The following STK32C variants were observed in gnomAD, a reference collection of about 807,000 sequenced individuals.
STK32C encodes serine/threonine-protein kinase 32C.
Under a neutral mutation model 56.5 loss-of-function variants are expected in STK32C, and 31 were observed. The observed-to-expected ratio is 0.55, with a 90% CI of 0.41 to 0.74. The LOEUF is 0.74. STK32C is among the 30% of genes least tolerant of loss of function. STK32C has a pLI of 0.00. For synonymous variants in STK32C, 309 were observed against 289.4 expected (o/e 1.07, Z -0.69); for missense variants, 544 against 676.9 (o/e 0.80, Z 2.18).
At chr10:132,210,647 T>TG (rs2062261907) in intron 10 of STK32C, among the ~76,000 whole-genome samples, 1 of 152,342 alleles carries the variant, frequency 6.6e-6, no homozygotes, top group South Asian at 2.1e-4. Flanking sequence ...TGTTCTCCGA[T>TG]GAACGGTTCA....
chr10:132,241,711 A>C (rs116396048), intron 2 of STK32C, among the ~76,000 whole-genome samples: 2,936 of 152,298 alleles, frequency 0.019, 91 homozygotes, highest in African/African-American at 0.065. Flanking sequence ...CTGGTCAGCG[A>C]ACCCTTCATT....
chr10:132,329,662 T>C (rs540580856), intron 1 of STK32C, among the ~76,000 whole-genome samples: 43 of 152,142 alleles, frequency 2.8e-4, no homozygotes, highest in Non-Finnish European at 5.9e-4. Flanking sequence ...AGACCAATAC[T>C]GGGAAGCGCA....
chr10:132,231,995 T>C (rs531102150), intron 2 of STK32C, among the ~76,000 whole-genome samples: 2 of 152,370 alleles, frequency 1.3e-5, no homozygotes, highest in African/African-American at 4.8e-5. Context: ...CGGAACTTGG[T>C]TGTGGCGGGA....
intron 1 of STK32C, among the ~76,000 whole-genome samples, chr10:132,283,206 C>T (rs917939339): frequency 7.2e-5 from 11 of 152,274 alleles, no homozygotes; most frequent in Non-Finnish European, 1.3e-4. Context: ...GCTATCTCAG[C>T]TCTGTGAGCG....
At chr10:132,331,871 G>A (rs2066772546), upstream of STK32C, 4 of 1,280,370 alleles carry the variant, frequency 3.1e-6, no homozygotes, top group Non-Finnish European at 4.3e-6. Context: ...CCGCGTGCGT[G>A]CGCAGGCGCA....
intron 1 of STK32C, among the ~76,000 whole-genome samples, chr10:132,273,531 G>A (rs1194932683): frequency 6.6e-6 from 1 of 152,088 alleles, no homozygotes. Flanking sequence ...TGGGGAGTTA[G>A]CAAATGAGTA....
intron 2 of STK32C, among the ~76,000 whole-genome samples, chr10:132,234,433 C>T (rs776622304): frequency 3.3e-5 from 5 of 152,190 alleles, no homozygotes; most frequent in South Asian, 4.1e-4. Context: ...TTGCCCACTT[C>T]GCTTTTTCTG....
chr10:132,245,336 G>A lies in STK32C; in HGVS notation c.318+564C>T, dbSNP rs576247004. ...TAATTCCAACCTTTTCCGAGTGCTC[G>A]TTAAGCCTCTTTGAGTTATAATTAC... On this transcript the variant is annotated intron_variant, in intron 2 of 11. Coordinates refer to ENST00000298630, the MANE Select transcript of STK32C (RefSeq NM_173575.4). 5.9e-5 allele frequency among the ~76,000 whole-genome samples: 9 copies of A among 152,304 alleles called. No homozygotes were observed. In the South Asian group the frequency reaches 6.2e-4, roughly 11 times the overall value.
At position 132,275,192 on chromosome 10, in the gene STK32C, A is replaced by C. The variant is rs192890617; in HGVS notation, c.263-29237T>G. 4.4e-3 allele frequency among the ~76,000 whole-genome samples: 665 copies of C among 152,282 alleles called. 24 individuals carry two copies. The South Asian group carries it at 0.089, about 20-fold the overall frequency. On this transcript the variant is annotated intron_variant, in intron 1 of 11. Coordinates refer to ENST00000298630, the MANE Select transcript of STK32C (RefSeq NM_173575.4). ...TGACAGCAGCCATGGGAGGTCCGGC[A>C]TCCCCGTACCCGTGCCCACCATGTC... is the stretch of plus-strand genomic sequence containing the variant.
At chr10:132,315,564 A>G (rs1030644962) in intron 1 of STK32C, among the ~76,000 whole-genome samples, 8 of 152,262 alleles carry the variant, frequency 5.3e-5, no homozygotes, top group Non-Finnish European at 1.2e-4. Flanking sequence ...TTCAAACTAT[A>G]TAAAGCAAAA....
At chr10:132,280,626 C>T (rs1310372069) in intron 1 of STK32C, among the ~76,000 whole-genome samples, 3 of 149,582 alleles carry the variant, frequency 2.0e-5, no homozygotes, top group African/African-American at 7.4e-5. Flanking sequence ...CGCCCCTGCA[C>T]TCCGTGATCA....
rs1491361212 is a variant in STK32C, at chr10:132,267,654, CAT to C, written c.263-21701_263-21700del. Among the ~76,000 whole-genome samples the C allele has an allele frequency of 1.7e-3, 228 of 130,612 alleles. 18 individuals are homozygous for C. Among genetic ancestry groups the C allele is most frequent in the African/African-American group, 6.4e-3 (197 of 30,770 alleles). 85.7% of individuals were successfully genotyped at this position (130,612 alleles called of 152,430 possible). A position where few individuals can be genotyped will look rare whatever the true frequency, so the allele number is the denominator to read the frequency against. On this transcript the variant is annotated intron_variant, in intron 1 of 11. Transcript: ENST00000298630. The stretch of plus-strand genomic sequence containing the variant: ...GTCTGTGTGCATGCATGTCCCACAT[CAT>C]GTGTGTGTGTGTCGGTGTGTGTGCA...
At chr10:132,236,818 G>A (rs950351804) in intron 2 of STK32C, among the ~76,000 whole-genome samples, 1 of 152,138 alleles carries the variant, frequency 6.6e-6, no homozygotes, top group African/African-American at 2.4e-5. Context: ...CCTGGTGCCT[G>A]GGGTTCACCC....
chr10:132,225,803 G>A lies in STK32C; in HGVS notation c.645-19C>T. 1 of 1,613,682 alleles carries A rather than the reference G, an allele frequency of 6.2e-7. No homozygotes were observed. The highest frequency in any genetic ancestry group is 8.5e-7 in the Non-Finnish European group (1 of 1,179,994). ...GACATCTCTAGAAAGAGCAGAAAGT[G>A]GGAAGGTGAGTTGGGAATCTGCCCT... On this transcript the variant is annotated intron_variant, in intron 4 of 11. Transcript: ENST00000298630.
chr10:132,250,131 T>C (rs938874268), intron 1 of STK32C, among the ~76,000 whole-genome samples: 1 of 152,208 alleles, frequency 6.6e-6, no homozygotes, highest in African/African-American at 2.4e-5. Context: ...CAGAGCTCCC[T>C]GCACGCTGGC....
chr10:132,211,719 G>C (rs1396136365), intron 10 of STK32C, among the ~76,000 whole-genome samples: 3 of 152,192 alleles, frequency 2.0e-5, no homozygotes, highest in Non-Finnish European at 4.4e-5. Context: ...AGGCCACAGA[G>C]GGGCCCTTCG....
chr10:132,245,332 G>A (rs891057146), intron 2 of STK32C, among the ~76,000 whole-genome samples: 6 of 152,190 alleles, frequency 3.9e-5, no homozygotes, highest in Non-Finnish European at 5.9e-5. Flanking sequence ...TTTTCCGAGT[G>A]CTCGTTAAGC....
At chr10:132,268,061 G>C (rs538393478) in intron 1 of STK32C, among the ~76,000 whole-genome samples, 7 of 145,474 alleles carry the variant, frequency 4.8e-5, no homozygotes, top group African/African-American at 1.8e-4. Context: ...GTGCCCACAT[G>C]TCCCACGTCG....
At chr10:132,310,275 C>G (rs1189540450), upstream of STK32C, among the ~76,000 whole-genome samples, 1 of 152,202 alleles carries the variant, frequency 6.6e-6, no homozygotes, top group Non-Finnish European at 1.5e-5. The surrounding 1 kb of genome is among the most constrained non-coding windows in gnomAD (Gnocchi z 4.6). Flanking sequence ...TGTAGGGAAA[C>G]AGCAGCTCCC....
Sources: gnomAD v4.1 joint callset for allele counts (sites outside exome capture counted in the v4.1 genomes callset) on GRCh38, gnomAD v4.1.1 for gene constraint, Gnocchi (gnomAD v3.1) non-coding constraint, MANE v1.5 for transcripts, NCBI Gene and HGNC (gene_info 2026-07-23, HGNC 2026-07-21) for gene names.